The following CENPP variants were observed in gnomAD, a reference collection of about 807,000 sequenced individuals.
CENPP encodes centromere protein P.
Under a neutral mutation model 35.6 loss-of-function variants are expected in CENPP, and 24 were observed. The observed-to-expected ratio is 0.67, with a 90% confidence interval of 0.49 to 0.95. CENPP has a LOEUF of 0.95. CENPP is among the 40% of genes least tolerant of loss of function. The pLI, the probability that CENPP is intolerant of heterozygous loss-of-function variation, is 0.00. For synonymous variants in CENPP, 120 were observed against 125.5 expected (o/e 0.96, Z 0.29); for missense variants, 332 against 345.3 (o/e 0.96, Z 0.31).
intron 5 of CENPP, among the ~76,000 whole-genome samples, chr9:92,553,284 A>G (rs916405335): frequency 2.0e-5 from 3 of 152,166 alleles, no homozygotes; most frequent in Admixed American, 2.0e-4. Context: ...CTATTTTTAT[A>G]CCAGTATTAT....
intron 5 of CENPP, among the ~76,000 whole-genome samples, chr9:92,565,382 G>C (rs1328965339): frequency 6.7e-6 from 1 of 150,034 alleles, no homozygotes; most frequent in Non-Finnish European, 1.5e-5. Flanking sequence ...AAGTCATCCT[G>C]GGCTGCATGC....
At chr9:92,573,439 C>T (rs1850200356) in intron 5 of CENPP, among the ~76,000 whole-genome samples, 1 of 152,212 alleles carries the variant, frequency 6.6e-6, no homozygotes, top group Non-Finnish European at 1.5e-5. Flanking sequence ...GCAAATGTTG[C>T]TGCCTGATCC....
intron 5 of CENPP, among the ~76,000 whole-genome samples, chr9:92,544,442 C>G (rs957477715): frequency 2.0e-5 from 3 of 152,104 alleles, no homozygotes; most frequent in African/African-American, 7.2e-5. Flanking sequence ...CACCACTGCA[C>G]TCCAGCCTGG....
chr9:92,538,339 GATGTATGTA>G (rs1849238633), intron 5 of CENPP, among the ~76,000 whole-genome samples: 2 of 152,178 alleles, frequency 1.3e-5, no homozygotes, highest in African/African-American at 4.8e-5. Context: ...ACCTTCTTTT[GATGTATGTA>G]ATTTAGCATT....
chr9:92,459,702 C>G, intron 5 of CENPP: 8 of 1,613,094 alleles, frequency 5.0e-6, no homozygotes, highest in Non-Finnish European at 5.9e-6. Context: ...ATGTATTTCT[C>G]TCACACGTGG....
intron 5 of CENPP, among the ~76,000 whole-genome samples, chr9:92,572,392 T>A (rs1006944458): frequency 2.6e-5 from 4 of 152,246 alleles, no homozygotes; most frequent in African/African-American, 9.6e-5. Context: ...AAAATTCTTT[T>A]CTTTAAGAAT....
At chr9:92,600,575 T>C (rs1340748294) in intron 5 of CENPP, 1 of 1,608,130 alleles carries the variant, frequency 6.2e-7, no homozygotes, top group African/African-American at 1.3e-5. Context: ...GCACAAGCCC[T>C]TGCGAGGGTT....
chr9:92,454,532 G>A (rs974122049), intron 5 of CENPP, among the ~76,000 whole-genome samples: 38 of 151,972 alleles, frequency 2.5e-4, no homozygotes, highest in African/African-American at 8.9e-4. Context: ...TTACATTGTA[G>A]AAAAATTTAT....
At chr9:92,525,978 A>G (rs1848384108) in intron 5 of CENPP, among the ~76,000 whole-genome samples, 1 of 150,060 alleles carries the variant, frequency 6.7e-6, no homozygotes, top group Non-Finnish European at 1.5e-5. Flanking sequence ...TTACTGGTTT[A>G]TGTATTTACT....
intron 5 of CENPP, chr9:92,502,747 TA>T: frequency 9.4e-7 from 1 of 1,061,340 alleles, no homozygotes; most frequent in African/African-American, 1.6e-5. Context: ...CTATTATCAT[TA>T]GTATTATCTA....
intron 5 of CENPP, chr9:92,457,372 C>T (rs148676537): frequency 2.9e-5 from 47 of 1,613,616 alleles, no homozygotes; most frequent in South Asian, 2.6e-4. Context: ...AGTATTTCAC[C>T]GGGTTGTTGA....
At position 92,612,527 on chromosome 9, in the gene CENPP, G is replaced by GACA; in HGVS notation, c.650_651insCAA (p.Glu217delinsAspLys). 1.2e-6 allele frequency: 2 copies of GACA among 1,612,814 alleles called. No individual in the cohort carries two copies. Among genetic ancestry groups the GACA allele is most frequent in the Non-Finnish European group, 1.7e-6 (2 of 1,178,840 alleles). ...CATGTTTTACTGCTTTTTCAGGTTT[G>GACA]AATTAGTCATTGTTTGGAGGATACA... On this transcript the variant is annotated protein_altering_variant, in exon 7 of 8. Coordinates refer to ENST00000375587, the MANE Select transcript of CENPP (RefSeq NM_001012267.3).
chr9:92,467,645 C>T (rs1361660890), intron 5 of CENPP, among the ~76,000 whole-genome samples: 1 of 152,180 alleles, frequency 6.6e-6, no homozygotes, highest in Non-Finnish European at 1.5e-5. Context: ...ATATGCCTCA[C>T]TGGTATTACT....
intron 5 of CENPP, chr9:92,389,934 C>T: frequency 6.2e-7 from 1 of 1,613,162 alleles, no homozygotes; most frequent in Non-Finnish European, 8.5e-7. Flanking sequence ...GGAGGAAGAA[C>T]TGGAAGTTTT....
chr9:92,387,075 AGAAAT>A (rs1842460041), intron 5 of CENPP, among the ~76,000 whole-genome samples: 1 of 148,720 alleles, frequency 6.7e-6, no homozygotes, highest in Admixed American at 6.7e-5. Context: ...AAAAAAAAAA[AGAAAT>A]GTGTGTGCTT....
chr9:92,417,068 A>G (rs1466057537), intron 5 of CENPP: 1 of 1,613,944 alleles, frequency 6.2e-7, no homozygotes, highest in Non-Finnish European at 8.5e-7. Flanking sequence ...GAGTCTTTCC[A>G]GAGATTTAGG....
intron 4 of CENPP, among the ~76,000 whole-genome samples, chr9:92,354,839 A>G (rs1204712612): frequency 6.6e-6 from 1 of 152,132 alleles, no homozygotes; most frequent in Non-Finnish European, 1.5e-5. Context: ...GAGGAATTTT[A>G]CAGCTGGGCC....
chr9:92,552,183 T>C (rs1849628098), intron 5 of CENPP, among the ~76,000 whole-genome samples: 1 of 112,378 alleles, frequency 8.9e-6, no homozygotes, highest in Non-Finnish European at 1.7e-5. Flanking sequence ...ATGATAGATC[T>C]ATCATATACA....
At chr9:92,358,589 T>C (rs1841654965) in intron 4 of CENPP, among the ~76,000 whole-genome samples, 1 of 152,180 alleles carries the variant, frequency 6.6e-6, no homozygotes, top group South Asian at 2.1e-4. Context: ...TTTTTCTTTT[T>C]ATTTCTCAGA....
Sources: gnomAD v4.1 joint callset for allele counts (sites outside exome capture counted in the v4.1 genomes callset) on GRCh38, gnomAD v4.1.1 for gene constraint, MANE v1.5 for transcripts, NCBI Gene and HGNC (gene_info 2026-07-23, HGNC 2026-07-21) for gene names.